DGKB: variants seen among roughly 807,000 people sequenced by gnomAD.
The protein encoded by DGKB is 90 kDa diacylglycerol kinase.
DGKB carries 67 observed loss-of-function variants against 114.3 expected under a neutral mutation model. The ratio of observed to expected loss-of-function variants is 0.59; its 90% CI spans 0.48 to 0.72. The LOEUF is 0.72. Among genes scored for constraint, DGKB ranks in the 30% least tolerant of loss-of-function variants. The pLI, the probability that DGKB is intolerant of heterozygous loss-of-function variation, is 0.00. For synonymous variants in DGKB, 398 were observed against 323.1 expected (o/e 1.23, Z -2.49); for missense variants, 907 against 975.2 (o/e 0.93, Z 0.93).
At position 14,531,317 on chromosome 7, in the gene DGKB, C is replaced by A. The variant is rs560039505; in HGVS notation, c.1770+42895G>T. ...TGTGTAGAATATTCCAATTTTAGAG[C>A]CCAACAAAAACATCACTGGAATTTA... On this transcript the variant is annotated intron_variant, in intron 20 of 25. Transcript: ENST00000402815. Among the ~76,000 whole-genome samples the A allele has an allele frequency of 7.9e-5, 12 of 151,376 alleles. No homozygotes were observed. In the East Asian group the frequency reaches 1.7e-3, roughly 22 times the overall value.
intron 1 of DGKB, among the ~76,000 whole-genome samples, chr7:14,940,332 A>G (rs36881): frequency 0.55 from 83,601 of 150,930 alleles, 25,260 homozygotes; most frequent in East Asian, 0.91. Context: ...ATACCTCCAG[A>G]GTCTTCAAGC....
rs369374142 is a variant in DGKB at position 14,530,215 on chromosome 7, A to G, written c.1770+43997T>C. ...TTGCTTTTCAAAAAATAAAATTTAC[A>G]GTCCTAATTTTTTTAAAAAAATTAT... On this transcript the variant is annotated intron_variant, in intron 20 of 25. Coordinates refer to ENST00000402815, the MANE Select transcript of DGKB (RefSeq NM_001350709.2). 2.6e-5 allele frequency among the ~76,000 whole-genome samples: 4 copies of G among 151,604 alleles called. No individual in the cohort carries two copies. In the East Asian group the frequency reaches 7.7e-4, roughly 29 times the overall value.
At position 14,621,454 on chromosome 7, in the gene DGKB, TGGGAA is replaced by T. The variant is rs1299031749; in HGVS notation, c.1203_1207del (p.Ser402AlafsTer7). The T allele has an allele frequency of 9.3e-6, 15 of 1,610,824 alleles. No individual in the cohort carries two copies. The highest frequency in any genetic ancestry group is 1.3e-5 in the Non-Finnish European group (15 of 1,178,370). On this transcript the variant is annotated frameshift_variant, in exon 15 of 26. Coordinates refer to ENST00000402815, the MANE Select transcript of DGKB (RefSeq NM_001350709.2). LOFTEE classifies it high-confidence loss of function. ...CTTGTCAATCACTTTGTTTGGCTGC[TGGGAA>T]CCACTCTTTTCCTTTTTCACTGTTG...
At chr7:14,175,682 A>C (rs908508267) in intron 25 of DGKB, among the ~76,000 whole-genome samples, 1 of 152,218 alleles carries the variant, frequency 6.6e-6, no homozygotes, top group African/African-American at 2.4e-5. Context: ...TGTACTTAGA[A>C]TCAAAATTTA....
At chr7:14,710,930 T>C (rs1827254814) in intron 6 of DGKB, among the ~76,000 whole-genome samples, 1 of 152,048 alleles carries the variant, frequency 6.6e-6, no homozygotes, top group South Asian at 2.1e-4. Flanking sequence ...CCTTTCTGCT[T>C]GTTATCTGGA....
intron 13 of DGKB, among the ~76,000 whole-genome samples, chr7:14,656,102 G>A (rs1265717370): frequency 1.3e-5 from 2 of 151,438 alleles, no homozygotes; most frequent in East Asian, 1.9e-4. Flanking sequence ...TTTAATCACT[G>A]CATATTTCAT....
intron 25 of DGKB, among the ~76,000 whole-genome samples, chr7:14,169,077 G>C (rs919772502): frequency 2.6e-5 from 4 of 151,984 alleles, no homozygotes; most frequent in African/African-American, 9.7e-5. Flanking sequence ...TGCAAACCAT[G>C]GGCCGGGTGC....
At chr7:14,962,636 T>TTG (rs71004348) in intron 1 of DGKB, among the ~76,000 whole-genome samples, 23,083 of 141,904 alleles carry the variant, frequency 0.16, 2,141 homozygotes, top group Middle Eastern at 0.24. Flanking sequence ...GTGTGTGTGT[T>TTG]TGTGTGTGTG....
At chr7:14,432,010 G>A (rs1298785043) in intron 21 of DGKB, among the ~76,000 whole-genome samples, 1 of 152,022 alleles carries the variant, frequency 6.6e-6, no homozygotes, top group Non-Finnish European at 1.5e-5. Flanking sequence ...ATGTTTCAGG[G>A]GAAAATGAAA....
chr7:14,847,079 A>C (rs1159801682), intron 1 of DGKB, among the ~76,000 whole-genome samples: 4 of 152,190 alleles, frequency 2.6e-5, no homozygotes, highest in African/African-American at 9.6e-5. Context: ...TCACGAGGTC[A>C]GGAGATCGAG....
intron 20 of DGKB, among the ~76,000 whole-genome samples, chr7:14,486,331 C>T (rs1010097747): frequency 2.0e-5 from 3 of 152,168 alleles, no homozygotes; most frequent in Admixed American, 6.6e-5. Flanking sequence ...AAAGTTTACT[C>T]TTTTTAAATG....
At chr7:14,827,077 A>G (rs1045092014) in intron 2 of DGKB, among the ~76,000 whole-genome samples, 1 of 152,128 alleles carries the variant, frequency 6.6e-6, no homozygotes, top group Admixed American at 6.6e-5. Flanking sequence ...AAGACTAAGA[A>G]TGGTCTACAA....
At chr7:14,552,698 T>C (rs534566970) in intron 20 of DGKB, among the ~76,000 whole-genome samples, 20 of 152,332 alleles carry the variant, frequency 1.3e-4, no homozygotes, top group Non-Finnish European at 2.9e-4. Flanking sequence ...ACTACACTTT[T>C]AGCACATTAA....
chr7:14,527,925 C>A (rs375815184), intron 20 of DGKB, among the ~76,000 whole-genome samples: 3 of 152,128 alleles, frequency 2.0e-5, no homozygotes, highest in South Asian at 4.2e-4. Flanking sequence ...AGTACTGGCA[C>A]TAAAAACTTC....
At chr7:14,609,403 A>C (rs1379899185) in intron 16 of DGKB, among the ~76,000 whole-genome samples, 1 of 152,134 alleles carries the variant, frequency 6.6e-6, no homozygotes, top group African/African-American at 2.4e-5. Flanking sequence ...AACATGGATT[A>C]AAAATTTAAA....
At chr7:14,335,327 T>A (rs1394098942) in intron 23 of DGKB, among the ~76,000 whole-genome samples, 1 of 152,152 alleles carries the variant, frequency 6.6e-6, no homozygotes, top group Admixed American at 6.5e-5. Flanking sequence ...ACAAATTAAA[T>A]CCTTTTATTA....
Position 14,679,564 on chromosome 7 carries a change from T to C in DGKB, c.1035+2989A>G, listed in dbSNP as rs1222093421. On this transcript the variant is annotated intron_variant, in intron 12 of 25. Coordinates refer to ENST00000402815, the MANE Select transcript of DGKB (RefSeq NM_001350709.2). Reference sequence around the variant, plus strand: ...AGAAAGCCAAGCATCATTCTTTCTGTTTCTCTCTACAATATATTCTTCACG... The same window carrying C: ...AGAAAGCCAAGCATCATTCTTTCTGCTTCTCTCTACAATATATTCTTCACG... Among the ~76,000 whole-genome samples the C allele has an allele frequency of 5.3e-5, 8 of 152,138 alleles. No individual in the cohort carries two copies. In the East Asian group the frequency reaches 1.5e-3, roughly 29 times the overall value.
At chr7:14,387,374 T>C (rs138006422) in intron 21 of DGKB, among the ~76,000 whole-genome samples, 1,960 of 141,204 alleles carry the variant, frequency 0.014, 42 homozygotes, top group African/African-American at 0.046. Flanking sequence ...GACGGCACCA[T>C]TGCACTCCAG....
chr7:14,902,972 C>T (rs1422965581), upstream of DGKB: 32 of 152,204 alleles, frequency 2.1e-4, 1 homozygote, highest in Admixed American at 2.1e-3. Flanking sequence ...TGGCGTCCCC[C>T]TTCCCCACCT....
Sources: allele counts gnomAD v4.1 joint callset (sites outside exome capture counted in the v4.1 genomes callset), GRCh38; gene constraint gnomAD v4.1.1; transcripts MANE v1.5; gene names NCBI Gene and HGNC (gene_info 2026-07-23, HGNC 2026-07-21).